The following NLGN1 variants were observed in gnomAD, a reference collection of about 807,000 sequenced individuals.
The protein encoded by NLGN1 is neuroligin 1, also known as neuroligin-1.
Under a neutral mutation model 65.5 loss-of-function variants are expected in NLGN1, and 12 were observed. The ratio of observed to expected loss-of-function variants is 0.18; its 90% confidence interval spans 0.12 to 0.30. The LOEUF (loss-of-function observed/expected upper bound fraction) is 0.30. Among genes scored for constraint, NLGN1 ranks in the 10% least tolerant of loss-of-function variants. The pLI is 1.00. For missense variants in NLGN1, 750 were observed against 1,007.1 expected (o/e 0.74, Z 3.46); for synonymous variants, 350 against 359.5 (o/e 0.97, Z 0.30).
chr3:173,651,538 A>G (rs1193747777), intron 3 of NLGN1, among the ~76,000 whole-genome samples: 1 of 152,040 alleles, frequency 6.6e-6, no homozygotes, highest in Non-Finnish European at 1.5e-5. Flanking sequence ...AAGTCTTCAT[A>G]CTGTTTTCCA....
At chr3:173,485,924 T>C (rs1231880236) in intron 2 of NLGN1, among the ~76,000 whole-genome samples, 1 of 152,188 alleles carries the variant, frequency 6.6e-6, no homozygotes, top group Non-Finnish European at 1.5e-5. Context: ...TTTCTTTCTT[T>C]AGGTCTTATC....
At chr3:174,274,560 C>CATT (rs1491211210) in intron 4 of NLGN1, among the ~76,000 whole-genome samples, 2 of 151,688 alleles carry the variant, frequency 1.3e-5, no homozygotes, top group Non-Finnish European at 1.5e-5. Context: ...TTTTCCTACT[C>CATT]ATTTTCAGAT....
rs367798480 is a variant in NLGN1 at position 173,945,797 on chromosome 3, A to G, written c.646+137965A>G. On this transcript the variant is annotated intron_variant, in intron 4 of 6. Coordinates refer to ENST00000457714, the Ensembl canonical transcript of NLGN1. ...TTGCACAAGGGTTTGCTTCTTTCCTACTCTTCCTAATTAGCTTTTAACAAG... is the reference window on the plus strand; with the variant it reads ...TTGCACAAGGGTTTGCTTCTTTCCTGCTCTTCCTAATTAGCTTTTAACAAG... Among the ~76,000 whole-genome samples, 111 of 152,196 alleles carry G rather than the reference A, an allele frequency of 7.3e-4. 4 individuals carry two copies. The South Asian group carries it at 0.022, about 30-fold the overall frequency.
intron 3 of NLGN1, among the ~76,000 whole-genome samples, chr3:173,708,144 G>A (rs766591549): frequency 5.9e-5 from 9 of 152,124 alleles, no homozygotes; most frequent in South Asian, 2.1e-4. Flanking sequence ...TGCCCCTAAC[G>A]TTTTGTGGGG....
At chr3:173,621,173 T>C (rs1753930249) in intron 3 of NLGN1, among the ~76,000 whole-genome samples, 1 of 152,104 alleles carries the variant, frequency 6.6e-6, no homozygotes, top group Non-Finnish European at 1.5e-5. Context: ...ATATGTACAC[T>C]ACAAGACTAG....
chr3:174,237,704 C>T (rs1577511614), intron 4 of NLGN1, among the ~76,000 whole-genome samples: 1 of 152,030 alleles, frequency 6.6e-6, no homozygotes, highest in African/African-American at 2.4e-5. Context: ...TTACAGGCAC[C>T]CACCATAATG....
At position 173,605,691 on chromosome 3, in the gene NLGN1, A is replaced by G. The variant is rs140298604; in HGVS notation, c.493+600A>G. On this transcript the variant is annotated intron_variant, in intron 3 of 6. Coordinates refer to ENST00000457714, the Ensembl canonical transcript of NLGN1. ...ATGATTTGCTGATGCTGGGAAGTAAATGGTTAGGTGATGTTTGGAATCTGA... is the reference window on the plus strand; with the variant it reads ...ATGATTTGCTGATGCTGGGAAGTAAGTGGTTAGGTGATGTTTGGAATCTGA... The G allele has an allele frequency of 2.0e-3, 1,098 of 535,982 alleles. 1 individual carries two copies. The highest frequency in any genetic ancestry group is 2.9e-3 in the Non-Finnish European group (905 of 311,268). The allele number at this position is 535,982 out of a possible 1,614,324, so 33.2% of individuals were successfully genotyped here.
intron 2 of NLGN1, among the ~76,000 whole-genome samples, chr3:173,572,474 C>T (rs947517664): frequency 6.6e-6 from 1 of 152,238 alleles, no homozygotes; most frequent in East Asian, 1.9e-4. Flanking sequence ...CAGCCATGAA[C>T]CAATCTGAGT....
intron 4 of NLGN1, among the ~76,000 whole-genome samples, chr3:174,041,365 G>A (rs115986023): frequency 3.9e-5 from 6 of 152,210 alleles, no homozygotes; most frequent in African/African-American, 1.4e-4. Context: ...TTATACCACA[G>A]TGTGCTTATT....
At chr3:173,794,802 T>C (rs1464827499) in intron 3 of NLGN1, among the ~76,000 whole-genome samples, 1 of 152,136 alleles carries the variant, frequency 6.6e-6, no homozygotes. Context: ...GATGCTATCA[T>C]TTTTTTATTC....
intron 4 of NLGN1, among the ~76,000 whole-genome samples, chr3:174,067,063 T>C (rs1738769182): frequency 1.3e-5 from 2 of 152,140 alleles, no homozygotes; most frequent in Admixed American, 6.6e-5. Flanking sequence ...TATTTCACTG[T>C]TTCACTGAGA....
intron 3 of NLGN1, among the ~76,000 whole-genome samples, chr3:173,616,566 T>G (rs1019513964): frequency 2.0e-5 from 3 of 152,268 alleles, no homozygotes; most frequent in Middle Eastern, 3.4e-3. Flanking sequence ...ATTGGGAATC[T>G]ATAGAAGCCA....
At chr3:173,686,381 C>T (rs1224693487) in intron 3 of NLGN1, among the ~76,000 whole-genome samples, 1 of 151,512 alleles carries the variant, frequency 6.6e-6, no homozygotes, top group African/African-American at 2.4e-5. Context: ...GGGGTTTTAA[C>T]TTCATTTTGA....
At chr3:173,997,147 A>G (rs941967774) in intron 4 of NLGN1, among the ~76,000 whole-genome samples, 1 of 152,146 alleles carries the variant, frequency 6.6e-6, no homozygotes, top group African/African-American at 2.4e-5. Context: ...AAAAATTTAG[A>G]GCAAACTACA....
chr3:173,673,868 G>A (rs1028203078), intron 3 of NLGN1, among the ~76,000 whole-genome samples: 2 of 152,142 alleles, frequency 1.3e-5, no homozygotes, highest in Non-Finnish European at 2.9e-5. Context: ...ACTCCACAAT[G>A]TGTGAGTGGG....
intron 2 of NLGN1, among the ~76,000 whole-genome samples, chr3:173,445,267 CAAAAA>C (rs60140480): frequency 3.9e-5 from 4 of 103,504 alleles, no homozygotes; most frequent in Non-Finnish European, 5.7e-5. Flanking sequence ...GACTCCGTCT[CAAAAA>C]AAAAAAAAAA....
intron 4 of NLGN1, among the ~76,000 whole-genome samples, chr3:174,222,603 G>T (rs1044523273): frequency 6.6e-6 from 1 of 152,082 alleles, no homozygotes; most frequent in African/African-American, 2.4e-5. Flanking sequence ...TAGGTTTGGG[G>T]TTTATTTTGC....
chr3:174,056,334 T>G (rs561049707), intron 4 of NLGN1, among the ~76,000 whole-genome samples: 2 of 152,190 alleles, frequency 1.3e-5, no homozygotes, highest in African/African-American at 4.8e-5. Context: ...TGATGTAGGC[T>G]GATTTTTTTT....
chr3:173,961,842 C>G (rs1016213757), intron 4 of NLGN1, among the ~76,000 whole-genome samples: 9 of 152,048 alleles, frequency 5.9e-5, no homozygotes, highest in Non-Finnish European at 1.0e-4. Flanking sequence ...TTATCAACCA[C>G]TTCTACCTTA....
Sources: allele counts gnomAD v4.1 joint callset (sites outside exome capture counted in the v4.1 genomes callset), GRCh38; gene constraint gnomAD v4.1.1; transcripts MANE v1.5; gene names NCBI Gene and HGNC (gene_info 2026-07-23, HGNC 2026-07-21).